The following OMA1 variants were observed in gnomAD, a reference collection of about 807,000 sequenced individuals.
The protein encoded by OMA1 is OMA1 zinc metallopeptidase.
OMA1 carries 38 observed loss-of-function variants against 30.9 expected under a neutral mutation model. The ratio of observed to expected loss-of-function variants is 1.23; its 90% confidence interval spans 0.95 to 1.61. The LOEUF is 1.61. Ranked by LOEUF, OMA1 falls within the 40% of genes most tolerant of loss-of-function variation. OMA1 has a pLI of 0.00. For missense variants in OMA1, 461 were observed against 349.2 expected (o/e 1.32, Z -2.55); for synonymous variants, 173 against 121.9 (o/e 1.42, Z -2.76).
At chr1:58,542,842 C>A (rs1646642707) in intron 1 of OMA1, among the ~76,000 whole-genome samples, 2 of 152,170 alleles carry the variant, frequency 1.3e-5, no homozygotes, top group African/African-American at 4.8e-5. Context: ...AGCTACAGAG[C>A]TAGGAGTAGG....
At chr1:58,484,814 A>G (rs537362868) in intron 8 of OMA1, among the ~76,000 whole-genome samples, 1 of 152,276 alleles carries the variant, frequency 6.6e-6, no homozygotes, top group South Asian at 2.1e-4. Flanking sequence ...CCAATCTGAA[A>G]AGGCTACATG....
At chr1:58,536,157 T>C (rs930652123) in intron 3 of OMA1, among the ~76,000 whole-genome samples, 2 of 151,984 alleles carry the variant, frequency 1.3e-5, no homozygotes, top group Admixed American at 6.5e-5. Flanking sequence ...AGCCAAGCAA[T>C]GGGCGCAACT....
Position 58,539,283 on chromosome 1 carries a change from G to A in OMA1, c.12C>T (p.Ile4=), listed in dbSNP as rs1441220377. 3.6e-6 allele frequency: 3 copies of A among 831,422 alleles called. No homozygotes were observed. Among genetic ancestry groups the A allele is most frequent in the African/African-American group, 1.7e-5 (1 of 58,922 alleles). The allele number at this position is 831,422 out of a possible 1,614,324, so 51.5% of individuals were successfully genotyped here. The part of the protein sequence containing the change: MSF[I]CGLQSAARNH... ...TTCTAGCAGCAGACTGCAATCCACA[G>A]ATGAAGCTCATTTTTTCACTTGACT... The change falls in exon 2 of 9, where the codon ATC becomes ATT. Residue 4 remains isoleucine, a synonymous_variant. Transcript: ENST00000371226.
chr1:58,507,701 T>C (rs1646011179), intron 7 of OMA1, among the ~76,000 whole-genome samples: 5 of 152,104 alleles, frequency 3.3e-5, no homozygotes. Context: ...TGTGCTTATG[T>C]GTAAAATATG....
intron 7 of OMA1, among the ~76,000 whole-genome samples, chr1:58,517,346 A>C (rs949109968): frequency 6.6e-6 from 1 of 152,208 alleles, no homozygotes; most frequent in African/African-American, 2.4e-5. Context: ...CATTTTAACC[A>C]CAACAAATTT....
intron 8 of OMA1, among the ~76,000 whole-genome samples, chr1:58,498,797 T>A (rs1557442191): frequency 6.6e-6 from 1 of 152,160 alleles, no homozygotes; most frequent in Non-Finnish European, 1.5e-5. Context: ...TTTCATCTTT[T>A]AAAAAAATTA....
intron 2 of OMA1, among the ~76,000 whole-genome samples, chr1:58,537,502 T>C (rs906239911): frequency 6.6e-6 from 1 of 152,164 alleles, no homozygotes; most frequent in Non-Finnish European, 1.5e-5. Flanking sequence ...ATTTTATAGA[T>C]AACATCTGAG....
intron 8 of OMA1, among the ~76,000 whole-genome samples, chr1:58,490,003 A>AGAAAAACT (rs1264084835): frequency 2.6e-5 from 4 of 152,262 alleles, no homozygotes; most frequent in African/African-American, 9.6e-5. Context: ...AAAACAGAGC[A>AGAAAAACT]GAAAAACTGA....
chr1:58,488,535 T>C (rs1645616246), intron 8 of OMA1, among the ~76,000 whole-genome samples: 1 of 152,150 alleles, frequency 6.6e-6, no homozygotes, highest in African/African-American at 2.4e-5. Flanking sequence ...CACTGCAACC[T>C]CTGCCTCCCA....
In OMA1 at chr1:58,506,101, G is replaced by A. The variant is rs1198126273; in HGVS notation, c.1324C>T (p.His442Tyr). The A allele has an allele frequency of 1.1e-6, 1 of 872,138 alleles. No homozygotes were observed. Among genetic ancestry groups the A allele is most frequent in the Non-Finnish European group, 2.0e-6 (1 of 501,160 alleles). The allele number at this position is 872,138 out of a possible 1,614,324, so 54.0% of individuals were successfully genotyped here. A position where few individuals can be genotyped will look rare whatever the true frequency, so the allele number is the denominator to read the frequency against. ...TCCAAGTACTCAACTCGATTGCCATGAGAAGGGTGTGTAGATAACCATTCT... is the reference window on the plus strand; with the variant it reads ...TCCAAGTACTCAACTCGATTGCCATAAGAAGGGTGTGTAGATAACCATTCT... Reference protein sequence around the residue: ...MPEWLSTHPSHGNRVEYLDRL... With the variant: ...MPEWLSTHPSYGNRVEYLDRL... The change falls in exon 8 of 9, where the codon CAT becomes TAT. Residue 442 changes from histidine to tyrosine, a missense_variant. Coordinates refer to ENST00000371226, the MANE Select transcript of OMA1 (RefSeq NM_145243.5).
chr1:58,517,675 T>C (rs1443307781), intron 7 of OMA1, among the ~76,000 whole-genome samples: 4 of 152,198 alleles, frequency 2.6e-5, no homozygotes, highest in Non-Finnish European at 5.9e-5. Flanking sequence ...GAAGATATTA[T>C]GTATCCCTAT....
intron 8 of OMA1, among the ~76,000 whole-genome samples, chr1:58,489,460 G>T (rs957047468): frequency 5.9e-5 from 9 of 152,210 alleles, no homozygotes; most frequent in Non-Finnish European, 1.3e-4. Context: ...CGAACTGGGT[G>T]GAGCCCACTG....
chr1:58,526,976 A>G (rs928535442), intron 7 of OMA1, among the ~76,000 whole-genome samples: 4 of 152,164 alleles, frequency 2.6e-5, no homozygotes, highest in South Asian at 2.1e-4. Context: ...ATTATTTCCA[A>G]TCAAGAACTG....
At chr1:58,528,768 C>T (rs146626918) in intron 6 of OMA1, among the ~76,000 whole-genome samples, 1 of 152,326 alleles carries the variant, frequency 6.6e-6, no homozygotes, top group Non-Finnish European at 1.5e-5. Context: ...TCACTATCAA[C>T]ATTCCTCTCT....
chr1:58,534,625 C>G (rs1379651823), intron 3 of OMA1, among the ~76,000 whole-genome samples: 1 of 152,186 alleles, frequency 6.6e-6, no homozygotes, highest in African/African-American at 2.4e-5. Context: ...TTTCTACTTT[C>G]CTAAACATTT....
intron 8 of OMA1, among the ~76,000 whole-genome samples, chr1:58,496,735 T>TA (rs1439780166): frequency 6.6e-6 from 1 of 152,228 alleles, no homozygotes; most frequent in African/African-American, 2.4e-5. Context: ...AAGTCTCTCT[T>TA]ACCTACCTCT....
chr1:58,484,900 G>A (rs573717378), intron 8 of OMA1, among the ~76,000 whole-genome samples: 2 of 152,060 alleles, frequency 1.3e-5, no homozygotes, highest in Non-Finnish European at 2.9e-5. Context: ...CAGGGGCTAG[G>A]GGGAGGGAGG....
intron 7 of OMA1, among the ~76,000 whole-genome samples, chr1:58,513,948 G>A (rs553068713): frequency 3.9e-5 from 6 of 152,088 alleles, no homozygotes; most frequent in Non-Finnish European, 7.4e-5. Flanking sequence ...TTTTGCCCCT[G>A]GGTCAATAAT....
intron 8 of OMA1, among the ~76,000 whole-genome samples, chr1:58,487,024 G>T (rs184392703): frequency 3.9e-5 from 6 of 152,320 alleles, no homozygotes; most frequent in Admixed American, 3.3e-4. Context: ...TTTAACCAAG[G>T]AAAGGACATT....
Sources: gnomAD v4.1 joint callset for allele counts (sites outside exome capture counted in the v4.1 genomes callset) on GRCh38, gnomAD v4.1.1 for gene constraint, MANE v1.5 for transcripts, NCBI Gene and HGNC (gene_info 2026-07-23, HGNC 2026-07-21) for gene names.